Variants in SRR observed in about 807,000 individuals in gnomAD.
SRR encodes serine racemase.
In SRR, 19 loss-of-function variants were observed where a neutral mutation model predicts 32.7. The observed-to-expected ratio is 0.58, with a 90% CI of 0.40 to 0.85. The LOEUF (loss-of-function observed/expected upper bound fraction) is 0.85, where lower values mean the gene tolerates loss of function less well. Among genes scored for constraint, SRR ranks in the 40% least tolerant of loss-of-function variants. SRR has a pLI of 0.00. For missense variants in SRR, 373 were observed against 404.7 expected, an observed-to-expected ratio of 0.92 and a Z score of 0.67; for synonymous variants, 142 against 140.9, an observed-to-expected ratio of 1.01 and a Z score of -0.06.
upstream of SRR, chr17:2,303,806 C>G (rs1211716599): frequency 2.6e-6 from 3 of 1,133,364 alleles, no homozygotes; most frequent in Non-Finnish European, 3.6e-6. Flanking sequence ...CGCGCGCGCT[C>G]GCCCACCTCC....
intron 2 of SRR, among the ~76,000 whole-genome samples, chr17:2,317,610 G>T (rs1276815219): frequency 6.6e-6 from 1 of 151,986 alleles, no homozygotes; most frequent in African/African-American, 2.4e-5. Flanking sequence ...CTTGAACCCG[G>T]CCCTGGGGGT....
At chr17:2,323,477 G>C (rs988148879) in intron 7 of SRR, 132 bp downstream of exon 7, 3 of 1,182,874 alleles carry the variant, frequency 2.5e-6, no homozygotes, top group Admixed American at 4.4e-5. Flanking sequence ...GGGTACCCTA[G>C]ATGTATTAAT....
At chr17:2,317,206 GGAAAAAAAA>G (rs1567777267) in intron 2 of SRR, among the ~76,000 whole-genome samples, 4 of 111,834 alleles carry the variant, frequency 3.6e-5, no homozygotes, top group African/African-American at 7.2e-5. Context: ...CCATCTCGGG[GGAAAAAAAA>G]AAAAAAAAAA....
intron 6 of SRR, 28 bp downstream of exon 6, chr17:2,321,644 T>G: frequency 6.2e-7 from 1 of 1,605,472 alleles, no homozygotes; most frequent in Non-Finnish European, 8.5e-7. Flanking sequence ...GATTCCCTGC[T>G]TCAAGCAGAG....
At chr17:2,308,268 A>G (rs1216977157) in intron 1 of SRR, among the ~76,000 whole-genome samples, 1 of 152,206 alleles carries the variant, frequency 6.6e-6, no homozygotes, top group Non-Finnish European at 1.5e-5. Flanking sequence ...TTCAACAAAT[A>G]TAGAAGACAA....
rs368348294 is a variant in SRR at position 2,316,631 on chromosome 17, C to T, written c.168+903C>T. ...GTGGTTCACACTTGTAATCCCAGCA[C>T]TTTGGGAGGCTGAGGCAGGTGGATC... On this transcript the variant is annotated intron_variant, in intron 2 of 7. Coordinates refer to ENST00000344595, the MANE Select transcript of SRR (RefSeq NM_021947.3). Among the ~76,000 whole-genome samples, 28 of 152,328 alleles carry T rather than the reference C, an allele frequency of 1.8e-4. No individual in the cohort carries two copies. In the East Asian group the frequency reaches 2.7e-3, roughly 15 times the overall value.
chr17:2,316,751 C>T (rs1186847325), intron 2 of SRR, among the ~76,000 whole-genome samples: 1 of 152,026 alleles, frequency 6.6e-6, no homozygotes, highest in African/African-American at 2.4e-5. Context: ...CTCACTCTGT[C>T]CCCCAGGCTG....
chr17:2,308,699 T>G (rs2075411658), intron 1 of SRR, among the ~76,000 whole-genome samples: 1 of 152,126 alleles, frequency 6.6e-6, no homozygotes, highest in Non-Finnish European at 1.5e-5. Flanking sequence ...CACGCTCCTG[T>G]AATCTCAGCT....
chr17:2,304,771 A>AG, intron 1 of SRR, among the ~76,000 whole-genome samples: 1 of 152,254 alleles, frequency 6.6e-6, no homozygotes, highest in African/African-American at 2.4e-5. Context: ...AAAAAAAAAA[A>AG]AAAGTCAATT....
chr17:2,324,095 G>A lies in SRR; in HGVS notation c.*222G>A. The A allele has an allele frequency of 2.1e-6, 3 of 1,441,408 alleles. No homozygotes were observed. Among genetic ancestry groups the A allele is most frequent in the Non-Finnish European group, 2.8e-6 (3 of 1,075,244 alleles). 89.3% of individuals were successfully genotyped at this position (1,441,408 alleles called of 1,614,324 possible). On this transcript the variant is annotated 3_prime_UTR_variant, in exon 8 of 8. Transcript: ENST00000344595. ...GTCTTGCAAAATGGGGCAGTGGACT[G>A]ACAGGCTGACATAGAAAATAAACTT...
intron 1 of SRR, among the ~76,000 whole-genome samples, chr17:2,306,594 G>A (rs4548913): frequency 0.55 from 82,548 of 151,322 alleles, 23,771 homozygotes; most frequent in East Asian, 0.68. Context: ...GTGGGTGCCT[G>A]TAATCCCAGC....
chr17:2,321,294 A>C lies in SRR; in HGVS notation c.400-12A>C. 4.3e-6 allele frequency: 7 copies of C among 1,613,156 alleles called. No homozygotes were observed. The highest frequency in any genetic ancestry group is 5.9e-6 in the Non-Finnish European group (7 of 1,179,836). The stretch of plus-strand genomic sequence containing the variant: ...AATACAAATCAATTAAGCTAAATTA[A>C]TGTACTTTCAGTCCAGAGAAAATGT... On this transcript the variant is annotated splice_polypyrimidine_tract_variant and intron_variant, in intron 4 of 7. Transcript: ENST00000344595.
rs1257858843 is a variant in SRR, at chr17:2,324,821, T to C, written c.*948T>C. On this transcript the variant is annotated 3_prime_UTR_variant, in exon 8 of 8. Coordinates refer to ENST00000344595, the MANE Select transcript of SRR (RefSeq NM_021947.3). ...ATAAGATGGCCTGTAGCAATGAGGC[T>C]GTGCATTCCTAAAGGACAAAAGCAA... The C allele has an allele frequency of 6.2e-7, 1 of 1,608,966 alleles. No individual in the cohort carries two copies. Among genetic ancestry groups the C allele is most frequent in the African/African-American group, 1.3e-5 (1 of 74,758 alleles).
chr17:2,324,904 A>G lies in SRR; in HGVS notation c.*1031A>G. 1 of 1,510,830 alleles carries G rather than the reference A, an allele frequency of 6.6e-7. No homozygotes were observed. The highest frequency in any genetic ancestry group is 8.8e-7 in the Non-Finnish European group (1 of 1,134,976). 93.6% of individuals were successfully genotyped at this position (1,510,830 alleles called of 1,614,324 possible). A position where few individuals can be genotyped will look rare whatever the true frequency, so the allele number is the denominator to read the frequency against. ...TTCATTTATTGCCCAGTCCATTTAA[A>G]GACCCATGCAAGAGCCTGGTTTGTC... On this transcript the variant is annotated 3_prime_UTR_variant, in exon 8 of 8. Transcript: ENST00000344595.
At chr17:2,310,234 A>G (rs909386769) in intron 1 of SRR, among the ~76,000 whole-genome samples, 1 of 152,138 alleles carries the variant, frequency 6.6e-6, no homozygotes, top group African/African-American at 2.4e-5. Context: ...GGTTTTTTGT[A>G]TTCTGGGTTT....
chr17:2,321,849 C>T (rs1247078320), intron 6 of SRR, among the ~76,000 whole-genome samples: 1 of 152,194 alleles, frequency 6.6e-6, no homozygotes, highest in African/African-American at 2.4e-5. Flanking sequence ...ACGATCCTGG[C>T]CCACTGCAGC....
intron 1 of SRR, among the ~76,000 whole-genome samples, chr17:2,311,614 C>G (rs749689612): frequency 2.8e-4 from 42 of 152,286 alleles, no homozygotes; most frequent in Non-Finnish European, 4.7e-4. Flanking sequence ...GCACTCCAGC[C>G]TGGACGACAA....
chr17:2,321,357 G>C lies in SRR; in HGVS notation c.451G>C (p.Val151Leu). ...RVTEETEGIM[V>L]HPNQEPAVIA... Reference sequence around the variant, plus strand: ...TACAGAAGAAACAGAAGGCATCATGGTACATCCCAACCAGGAGCCTGCAGT... The same window carrying C: ...TACAGAAGAAACAGAAGGCATCATGCTACATCCCAACCAGGAGCCTGCAGT... The change falls in exon 5 of 8, where the codon GTA (valine) becomes CTA (leucine). Residue 151 changes from valine to leucine, a missense_variant. Coordinates refer to ENST00000344595, the MANE Select transcript of SRR (RefSeq NM_021947.3). 1.1e-5 allele frequency: 18 copies of C among 1,613,430 alleles called. No individual in the cohort carries two copies. The highest frequency in any genetic ancestry group is 1.5e-5 in the Non-Finnish European group (18 of 1,179,828).
At chr17:2,303,773 A>C (rs1358960580), upstream of SRR, 6 of 1,438,084 alleles carry the variant, frequency 4.2e-6, no homozygotes, top group Non-Finnish European at 4.6e-6. Flanking sequence ...GCGCGCAGCC[A>C]GGAAACCACC....
Sources: allele counts gnomAD v4.1 joint callset (sites outside exome capture counted in the v4.1 genomes callset), GRCh38; gene constraint gnomAD v4.1.1; transcripts MANE v1.5; gene names NCBI Gene and HGNC (gene_info 2026-07-23, HGNC 2026-07-21).